Variants in MRTFB observed in about 807,000 individuals in gnomAD.
MRTFB encodes myocardin-related transcription factor B.
In MRTFB, 29 loss-of-function variants were observed where a neutral mutation model predicts 104.2. The ratio of observed to expected loss-of-function variants is 0.28; its 90% CI spans 0.21 to 0.38. MRTFB has a LOEUF of 0.38. Ranked by LOEUF, MRTFB falls within the 10% of genes least tolerant of loss-of-function variation. MRTFB has a pLI of 1.00. For missense variants in MRTFB, 1,270 were observed against 1,341.6 expected, an observed-to-expected ratio of 0.95 and a Z score of 0.83; for synonymous variants, 535 against 519.5, an observed-to-expected ratio of 1.03 and a Z score of -0.41.
At chr16:14,200,393 G>A (rs1174031406) in intron 3 of MRTFB, 1 of 1,607,684 alleles carries the variant, frequency 6.2e-7, no homozygotes, top group Non-Finnish European at 8.5e-7. Flanking sequence ...CACTAAAGAT[G>A]TTTCACTGTT....
At chr16:14,221,553 G>T (rs1376628305) in intron 8 of MRTFB, among the ~76,000 whole-genome samples, 1 of 152,114 alleles carries the variant, frequency 6.6e-6, no homozygotes, top group African/African-American at 2.4e-5. Context: ...TCATACCACT[G>T]CCACAAAGAC....
intron 2 of MRTFB, among the ~76,000 whole-genome samples, chr16:14,096,109 C>T (rs899692699): frequency 4.0e-5 from 6 of 151,644 alleles, no homozygotes; most frequent in East Asian, 1.9e-4. Context: ...ACAAGTCTCG[C>T]TCTGTCTTCC....
intron 2 of MRTFB, among the ~76,000 whole-genome samples, chr16:14,083,835 C>T (rs1161543076): frequency 1.3e-5 from 2 of 152,202 alleles, no homozygotes; most frequent in African/African-American, 2.4e-5. Flanking sequence ...AGTCTTGTTC[C>T]GCCATCTTGT....
intron 8 of MRTFB, 58 bp downstream of exon 8, chr16:14,219,056 A>T (rs1013822529): frequency 6.8e-7 from 1 of 1,477,088 alleles, no homozygotes; most frequent in East Asian, 2.4e-5. Flanking sequence ...TTTTTTTAAT[A>T]TATTAAGGTA....
At chr16:14,154,097 C>T (rs542073059) in intron 3 of MRTFB, among the ~76,000 whole-genome samples, 1 of 152,228 alleles carries the variant, frequency 6.6e-6, no homozygotes, top group East Asian at 1.9e-4. Flanking sequence ...CTTTGGGAGG[C>T]CAAGGTGAGA....
At chr16:14,203,358 A>C (rs2040796059) in intron 3 of MRTFB, among the ~76,000 whole-genome samples, 1 of 152,094 alleles carries the variant, frequency 6.6e-6, no homozygotes, top group Non-Finnish European at 1.5e-5. Context: ...CTCCCCAGAA[A>C]GTGTCATTTT....
the MRTFB span, among the ~76,000 whole-genome samples, chr16:14,001,267 G>A: frequency 6.6e-5 from 10 of 152,296 alleles, no homozygotes; most frequent in East Asian, 5.8e-4. Context: ...GCCTAGCTTC[G>A]GGCACAGCTG....
At chr16:14,046,290 C>T in the MRTFB span, among the ~76,000 whole-genome samples, 1 of 152,264 alleles carries the variant, frequency 6.6e-6, no homozygotes, top group East Asian at 1.9e-4. Context: ...TGTGCCACCG[C>T]ACTCCAGCCT....
chr16:14,075,958 T>C (rs1444596141), intron 1 of MRTFB, among the ~76,000 whole-genome samples: 1 of 152,182 alleles, frequency 6.6e-6, no homozygotes, highest in Non-Finnish European at 1.5e-5. Context: ...ATAAGACATA[T>C]TTTGAGAAAT....
intron 3 of MRTFB, among the ~76,000 whole-genome samples, chr16:14,208,181 G>C (rs74804939): frequency 0.025 from 3,762 of 152,284 alleles, 172 homozygotes; most frequent in African/African-American, 0.086. Flanking sequence ...GATTTCTGGT[G>C]ATAGATGATA....
At chr16:14,101,714 T>A (rs2035711649) in intron 2 of MRTFB, among the ~76,000 whole-genome samples, 1 of 151,996 alleles carries the variant, frequency 6.6e-6, no homozygotes, top group Non-Finnish European at 1.5e-5. Flanking sequence ...GAGGTGAGAT[T>A]ATTATAAAGA....
the MRTFB span, among the ~76,000 whole-genome samples, chr16:14,053,016 T>A: frequency 6.6e-6 from 1 of 152,180 alleles, no homozygotes; most frequent in Non-Finnish European, 1.5e-5. Context: ...GGCCTCAAGT[T>A]CCATCCATGT....
chr16:13,999,131 A>G, the MRTFB span, among the ~76,000 whole-genome samples: 6 of 151,076 alleles, frequency 4.0e-5, no homozygotes, highest in Non-Finnish European at 7.4e-5. Context: ...TGGAGGTTGC[A>G]GTGAGCTGAG....
chr16:14,225,183 A>C (rs1341574935), intron 8 of MRTFB, among the ~76,000 whole-genome samples: 1 of 152,184 alleles, frequency 6.6e-6, no homozygotes, highest in Admixed American at 6.5e-5. Flanking sequence ...CAGAATTCTC[A>C]TCTAAAAAGA....
chr16:14,255,268 T>C (rs1043932047), intron 15 of MRTFB, among the ~76,000 whole-genome samples: 1 of 152,192 alleles, frequency 6.6e-6, no homozygotes, highest in Non-Finnish European at 1.5e-5. Flanking sequence ...TGTTCACAAA[T>C]AGGATGAAAG....
intron 9 of MRTFB, among the ~76,000 whole-genome samples, chr16:14,235,255 C>T (rs1032472066): frequency 1.3e-5 from 2 of 152,278 alleles, no homozygotes; most frequent in South Asian, 2.1e-4. Context: ...TCAGCGTGGC[C>T]GAGTATTGGT....
intron 8 of MRTFB, among the ~76,000 whole-genome samples, chr16:14,224,144 T>A (rs1226256596): frequency 6.6e-6 from 1 of 152,066 alleles, no homozygotes; most frequent in African/African-American, 2.4e-5. Context: ...CCAGATCCCA[T>A]GAGAACTCAT....
At chr16:14,015,796 G>A in the MRTFB span, 1 of 397,610 alleles carries the variant, frequency 2.5e-6, no homozygotes. Context: ...ACTCCCTCCT[G>A]TCTTCACTTG....
rs1222674388 is a variant in MRTFB at position 14,123,781 on chromosome 16, G to A, written c.-63-16763G>A. ...TTTTGGGTTCCATATGAAGTTTAAA[G>A]TAGTTTTTTCCAATTCTGTGAAGAA... On this transcript the variant is annotated intron_variant, in intron 2 of 16. Transcript: ENST00000571589. Among the ~76,000 whole-genome samples, 3 of 152,294 alleles carry A rather than the reference G, an allele frequency of 2.0e-5. No individual in the cohort carries two copies. In the East Asian group the frequency reaches 5.8e-4, roughly 29 times the overall value.
Sources: gnomAD v4.1 joint callset for allele counts (sites outside exome capture counted in the v4.1 genomes callset) on GRCh38, gnomAD v4.1.1 for gene constraint, MANE v1.5 for transcripts, NCBI Gene and HGNC (gene_info 2026-07-23, HGNC 2026-07-21) for gene names.